OPA1: variants seen among roughly 807,000 people sequenced by gnomAD.
The protein encoded by OPA1 is OPA1 mitochondrial dynamin like GTPase, also known as dynamin-like GTPase OPA1, mitochondrial.
OPA1 carries 59 observed loss-of-function variants against 152.9 expected under a neutral mutation model. The ratio of observed to expected loss-of-function variants is 0.39; its 90% confidence interval spans 0.31 to 0.48. The LOEUF (loss-of-function observed/expected upper bound fraction) is 0.48. Ranked by LOEUF, OPA1 falls within the 20% of genes least tolerant of loss-of-function variation. The pLI is 0.96. For missense variants in OPA1, 1,008 were observed against 1,216.8 expected (o/e 0.83, Z 2.55); for synonymous variants, 400 against 389.9 (o/e 1.03, Z -0.31).
intron 12 of OPA1, 65 bp downstream of exon 12, chr3:193,642,910 A>C (rs1371768485): frequency 6.4e-7 from 1 of 1,567,758 alleles, no homozygotes; most frequent in African/African-American, 1.4e-5. Context: ...TATAAAAGAC[A>C]GTTAAAGAAT....
At chr3:193,601,362 C>T (rs1244268635) in intron 1 of OPA1, among the ~76,000 whole-genome samples, 1 of 152,078 alleles carries the variant, frequency 6.6e-6, no homozygotes, top group East Asian at 1.9e-4. Context: ...GGAAGCAATT[C>T]GAAAGGCAGG....
chr3:193,632,526 A>G (rs1412489948), intron 8 of OPA1, among the ~76,000 whole-genome samples: 1 of 152,134 alleles, frequency 6.6e-6, no homozygotes, highest in Admixed American at 6.5e-5. Context: ...CAGTTTTTCT[A>G]TATAGGTGAC....
intron 11 of OPA1, among the ~76,000 whole-genome samples, chr3:193,640,213 A>G (rs145316751): frequency 9.8e-4 from 150 of 152,308 alleles, no homozygotes; most frequent in African/African-American, 3.4e-3. Context: ...CAAGGGAGTG[A>G]GTAGAGATAG....
chr3:193,685,108 T>C (rs1378725062), intron 29 of OPA1, among the ~76,000 whole-genome samples: 11 of 152,056 alleles, frequency 7.2e-5, no homozygotes, highest in Admixed American at 7.2e-4. Flanking sequence ...GAGACCAGCC[T>C]AGCCAATATG....
rs74639527 is a variant in OPA1, at chr3:193,626,792, G to T, written c.789+590G>T. Among the ~76,000 whole-genome samples, 4 of 152,172 alleles carry T rather than the reference G, an allele frequency of 2.6e-5. No homozygotes were observed. The East Asian group carries it at 7.7e-4, about 29-fold the overall frequency. On this transcript the variant is annotated intron_variant, in intron 7 of 30. Coordinates refer to ENST00000361510, the MANE Select transcript of OPA1 (RefSeq NM_130837.3). ...TAAATTTTCACCTTGGACCACGGAG[G>T]GTTTGAACACTGGAAATTTGATATA...
At chr3:193,654,175 C>T (rs375829496) in intron 21 of OPA1, among the ~76,000 whole-genome samples, 1 of 152,094 alleles carries the variant, frequency 6.6e-6, no homozygotes, top group Non-Finnish European at 1.5e-5. Flanking sequence ...CACATTCATG[C>T]AACATAATAC....
At chr3:193,682,601 C>G (rs905504862) in intron 29 of OPA1, among the ~76,000 whole-genome samples, 1 of 152,042 alleles carries the variant, frequency 6.6e-6, no homozygotes, top group African/African-American at 2.4e-5. Flanking sequence ...TGAAGCCAAC[C>G]TAAAGAATTT....
At chr3:193,601,572 A>G (rs897054820) in intron 1 of OPA1, among the ~76,000 whole-genome samples, 8 of 152,192 alleles carry the variant, frequency 5.3e-5, no homozygotes, top group African/African-American at 1.4e-4. Context: ...TTACTTTTCT[A>G]TGGCCCCTTT....
At chr3:193,655,580 GCC>G (rs1713605107) in intron 22 of OPA1, among the ~76,000 whole-genome samples, 1 of 152,124 alleles carries the variant, frequency 6.6e-6, no homozygotes. Context: ...GTGATCCTTT[GCC>G]TAGTTGCTTA....
intron 1 of OPA1, among the ~76,000 whole-genome samples, chr3:193,604,563 T>C (rs1726933663): frequency 6.6e-6 from 1 of 152,148 alleles, no homozygotes; most frequent in Admixed American, 6.5e-5. Flanking sequence ...CTTTTTCTTT[T>C]GAAAATTGAA....
chr3:193,603,957 G>A (rs533927917), intron 1 of OPA1, among the ~76,000 whole-genome samples: 3 of 152,258 alleles, frequency 2.0e-5, no homozygotes, highest in Admixed American at 6.5e-5. Context: ...CAGCCTTTTA[G>A]ATGAAGATAA....
chr3:193,618,524 T>C (rs1408199967), intron 5 of OPA1: 1 of 230,608 alleles, frequency 4.3e-6, no homozygotes, highest in Non-Finnish European at 8.5e-6. Flanking sequence ...GTTTTCCTGC[T>C]ATACATGGTC....
chr3:193,621,339 CAGAT>C (rs1033150592), intron 6 of OPA1, among the ~76,000 whole-genome samples: 6 of 152,212 alleles, frequency 3.9e-5, no homozygotes, highest in African/African-American at 1.4e-4. Context: ...GAGGGGAACA[CAGAT>C]AGTTTGACTT....
intron 11 of OPA1, among the ~76,000 whole-genome samples, 169 bp from the exon 12 acceptor site, chr3:193,642,596 G>T (rs998992013): frequency 1.3e-5 from 2 of 152,172 alleles, no homozygotes; most frequent in Admixed American, 1.3e-4. Context: ...CAAAATTATT[G>T]TCTTGTCAGA....
chr3:193,637,909 G>A (rs1292457534), intron 10 of OPA1, 43 bp from the exon 11 acceptor site: 10 of 1,463,460 alleles, frequency 6.8e-6, no homozygotes, highest in African/African-American at 5.6e-5. Context: ...TTTTAATTTG[G>A]TATCAGAAAA....
intron 11 of OPA1, among the ~76,000 whole-genome samples, chr3:193,642,542 G>A (rs1385495323): frequency 1.3e-5 from 2 of 152,122 alleles, no homozygotes; most frequent in African/African-American, 4.8e-5. Flanking sequence ...CATTCTTGTT[G>A]GGAAATCACA....
chr3:193,643,335 A>T (rs370398753), intron 13 of OPA1, 38 bp from the exon 14 acceptor site: 25 of 1,521,740 alleles, frequency 1.6e-5, no homozygotes, highest in Non-Finnish European at 2.1e-5. Context: ...ATTCCCCCCA[A>T]ACTTTAGCAT....
At chr3:193,604,871 AAAAAGAAAAAAG>A (rs1560312834) in intron 1 of OPA1, among the ~76,000 whole-genome samples, 2 of 151,578 alleles carry the variant, frequency 1.3e-5, no homozygotes, top group African/African-American at 4.8e-5. Context: ...AAAAAAAAAA[AAAAAGAAAAAAG>A]AAAAGAAAAA....
intron 6 of OPA1, chr3:193,619,638 G>C (rs1179580509): frequency 6.6e-6 from 1 of 151,664 alleles, no homozygotes; most frequent in Non-Finnish European, 1.5e-5. Context: ...TCATTCTTTT[G>C]GAATTGGTAA....
Sources: gnomAD v4.1 joint callset for allele counts (sites outside exome capture counted in the v4.1 genomes callset) on GRCh38, gnomAD v4.1.1 for gene constraint, MANE v1.5 for transcripts, NCBI Gene and HGNC (gene_info 2026-07-23, HGNC 2026-07-21) for gene names.